ADD1: variants seen among roughly 807,000 people sequenced by gnomAD.
ADD1 encodes alpha-adducin.
ADD1 carries 24 observed loss-of-function variants against 80.5 expected under a neutral mutation model. The observed-to-expected ratio is 0.30, with a 90% confidence interval of 0.22 to 0.42. The LOEUF (loss-of-function observed/expected upper bound fraction) is 0.42. Among genes scored for constraint, ADD1 ranks in the 10% least tolerant of loss-of-function variants. The probability of loss-of-function intolerance (pLI) is 1.00; values close to 1 mark genes in which losing one functional copy is unlikely to be tolerated. For synonymous variants in ADD1, 373 were observed against 393.8 expected, an observed-to-expected ratio of 0.95 and a Z score of 0.63; for missense variants, 948 against 1,019.0, an observed-to-expected ratio of 0.93 and a Z score of 0.95.
chr4:2,919,227 G>C (rs1403233383), intron 14 of ADD1, among the ~76,000 whole-genome samples: 1 of 152,106 alleles, frequency 6.6e-6, no homozygotes, highest in African/African-American at 2.4e-5. Context: ...TGCTGGATTC[G>C]GTTTGCCAGT....
At chr4:2,870,894 A>T (rs964374416) in intron 1 of ADD1, among the ~76,000 whole-genome samples, 1 of 151,922 alleles carries the variant, frequency 6.6e-6, no homozygotes, top group Non-Finnish European at 1.5e-5. Flanking sequence ...CAAAGTAAGT[A>T]GTTTGTGAAT....
intron 10 of ADD1, among the ~76,000 whole-genome samples, chr4:2,905,908 A>G (rs1243278593): frequency 6.6e-6 from 1 of 152,054 alleles, no homozygotes; most frequent in Non-Finnish European, 1.5e-5. Flanking sequence ...CCTACCTCTA[A>G]CAGTCCACCC....
intron 4 of ADD1, among the ~76,000 whole-genome samples, chr4:2,886,274 C>G (rs1560191768): frequency 6.6e-6 from 1 of 152,170 alleles, no homozygotes; most frequent in Non-Finnish European, 1.5e-5. Context: ...TCGTTAAGCT[C>G]CATTCTGGAC....
chr4:2,857,776 G>A lies in ADD1; in HGVS notation c.-21+13752G>A, dbSNP rs184887478. Reference sequence around the variant, plus strand: ...CCCAGGGAGTGAGTGAGGTGTGTTGGTGTGTTTTCCATGATACAGGGGAAC... The same window carrying A: ...CCCAGGGAGTGAGTGAGGTGTGTTGATGTGTTTTCCATGATACAGGGGAAC... On this transcript the variant is annotated intron_variant, in intron 1 of 15. Transcript: ENST00000683351. 7.2e-5 allele frequency among the ~76,000 whole-genome samples: 11 copies of A among 152,276 alleles called. No homozygotes were observed. The South Asian group carries it at 1.7e-3, about 23-fold the overall frequency.
At chr4:2,863,871 T>C (rs16843500) in intron 1 of ADD1, among the ~76,000 whole-genome samples, 2,638 of 152,250 alleles carry the variant, frequency 0.017, 55 homozygotes, top group African/African-American at 0.045. Context: ...GCCTGGCTAC[T>C]ATACCCTGTT....
Position 2,865,857 on chromosome 4 carries a change from A to G in ADD1, c.-20-10039A>G, listed in dbSNP as rs1258824888. Among the ~76,000 whole-genome samples, 3 of 152,262 alleles carry G rather than the reference A, an allele frequency of 2.0e-5. No individual in the cohort carries two copies. In the East Asian group the frequency reaches 5.8e-4, roughly 29 times the overall value. ...ATTATATTAATTGAAGGACAGTAAC[A>G]GTATAATGAGGGAGCAAAAATAGAG... On this transcript the variant is annotated intron_variant, in intron 1 of 15. Transcript: ENST00000683351.
In ADD1 at chr4:2,908,546, C is replaced by T. The variant is rs752306959; in HGVS notation, c.1640C>T (p.Thr547Met). The T allele has an allele frequency of 6.8e-6, 11 of 1,614,228 alleles. No individual in the cohort carries two copies. Among genetic ancestry groups the T allele is most frequent in the South Asian group, 1.1e-5 (1 of 91,084 alleles). Residue 547 changes from threonine to methionine, a missense_variant, in exon 12 of 16, where the codon ACG becomes ATG. Transcript: ENST00000683351. Reference sequence around the variant, plus strand: ...GAGCAGAATTTACAGGACATTAAGACGGCTGGCCCTCAGTCCCAGGTTTTG... The same window carrying T: ...GAGCAGAATTTACAGGACATTAAGATGGCTGGCCCTCAGTCCCAGGTTTTG... ...IREQNLQDIK[T>M]AGPQSQVLCG... is the part of the protein sequence containing the mutation.
intron 1 of ADD1, among the ~76,000 whole-genome samples, chr4:2,870,874 A>G (rs755263678): frequency 2.6e-5 from 4 of 152,220 alleles, no homozygotes; most frequent in Non-Finnish European, 4.4e-5. Flanking sequence ...TGTGCCTCCT[A>G]AACAAAAAAC....
Position 2,899,436 on chromosome 4 carries a change from G to T in ADD1, c.1161+1G>T. 6.2e-7 allele frequency: 1 copy of T among 1,614,172 alleles called. No homozygotes were observed. Among genetic ancestry groups the T allele is most frequent in the Non-Finnish European group, 8.5e-7 (1 of 1,180,034 alleles). Reference sequence around the variant, plus strand: ...CCTCATGCGGATGCTCGATAATCTGGTAAGAATGGTGCCACCACTTGATGA... The same window carrying T: ...CCTCATGCGGATGCTCGATAATCTGTTAAGAATGGTGCCACCACTTGATGA... On this transcript the variant is annotated splice_donor_variant, in intron 9 of 15. Coordinates refer to ENST00000683351, the MANE Select transcript of ADD1 (RefSeq NM_001354761.2). LOFTEE classifies it high-confidence loss of function.
intron 15 of ADD1, among the ~76,000 whole-genome samples, chr4:2,927,921 G>C (rs561514789): frequency 6.6e-6 from 1 of 152,288 alleles, no homozygotes; most frequent in South Asian, 2.1e-4. Flanking sequence ...GCCTGGGACG[G>C]AGTCTGGTGT....
intron 4 of ADD1, among the ~76,000 whole-genome samples, chr4:2,886,266 G>A (rs1733348778): frequency 1.3e-5 from 2 of 152,096 alleles, no homozygotes; most frequent in Admixed American, 6.6e-5. Context: ...GCGGTGCTTC[G>A]TTAAGCTCCA....
intron 9 of ADD1, 149 bp from the exon 10 acceptor site, chr4:2,904,615 C>T (rs1251754549): frequency 1.5e-5 from 11 of 712,680 alleles, no homozygotes; most frequent in Non-Finnish European, 1.9e-5. Flanking sequence ...ACATTTGCTT[C>T]TGTGGGGTGT....
chr4:2,922,487 C>A (rs1043030681), intron 14 of ADD1, among the ~76,000 whole-genome samples: 1 of 152,210 alleles, frequency 6.6e-6, no homozygotes, highest in Non-Finnish European at 1.5e-5. Context: ...CAGCAAAGAT[C>A]GCTGCCTGTT....
At chr4:2,861,224 G>T (rs1479404182) in intron 1 of ADD1, among the ~76,000 whole-genome samples, 1 of 152,090 alleles carries the variant, frequency 6.6e-6, no homozygotes, top group Non-Finnish European at 1.5e-5. Context: ...GTGGGGGCTG[G>T]GGGCCAAAAT....
rs1711591294 is a variant in ADD1, at chr4:2,926,252, C to T, written c.2047+140C>T. ...AGCGCCAGGACGTGACACCTTTCTCCTCCTATATTGCTTCTGTCCTGGGTA... is the reference window on the plus strand; with the variant it reads ...AGCGCCAGGACGTGACACCTTTCTCTTCCTATATTGCTTCTGTCCTGGGTA... On this transcript the variant is annotated intron_variant, in intron 15 of 15. Coordinates refer to ENST00000683351, the MANE Select transcript of ADD1 (RefSeq NM_001354761.2). This position sits in a 1 kb window ranked among gnomAD's most constrained non-coding sequence, Gnocchi z 5.0. The T allele has an allele frequency of 1.3e-6, 1 of 787,042 alleles. No homozygotes were observed. Among genetic ancestry groups the T allele is most frequent in the South Asian group, 1.5e-5 (1 of 68,800 alleles). The allele number at this position is 787,042 out of a possible 1,614,324, so 48.8% of individuals were successfully genotyped here. A position where few individuals can be genotyped will look rare whatever the true frequency, so the allele number is the denominator to read the frequency against.
chr4:2,924,117 C>T (rs1018767256), intron 14 of ADD1, among the ~76,000 whole-genome samples: 4 of 152,346 alleles, frequency 2.6e-5, no homozygotes, highest in African/African-American at 9.6e-5. Flanking sequence ...GCTGGTGCAG[C>T]CTGTACTTCT....
At chr4:2,924,411 G>C (rs979794852) in intron 14 of ADD1, among the ~76,000 whole-genome samples, 1 of 152,192 alleles carries the variant, frequency 6.6e-6, no homozygotes, top group South Asian at 2.1e-4. Flanking sequence ...AGAAGAACCA[G>C]GGGCACAGGG....
At position 2,875,921 on chromosome 4, in the gene ADD1, T is replaced by A. The variant is rs1731206923; in HGVS notation, c.6T>A (p.Asn2Lys). ...GAACCTAGAAAGATTGTACAATGAA[T>A]GGTGATTCTCGTGCTGCGGTGGTGA... M[N>K]GDSRAAVVTS... Residue 2 changes from asparagine to lysine, a missense_variant, in exon 2 of 16, where the codon AAT (asparagine) becomes AAA (lysine). Physicochemically the swap from Asn to Lys is moderately conservative, Grantham distance 94 (BLOSUM62 0). Transcript: ENST00000683351. 6.3e-7 allele frequency: 1 copy of A among 1,591,310 alleles called. No homozygotes were observed. The highest frequency in any genetic ancestry group is 8.5e-7 in the Non-Finnish European group (1 of 1,172,160).
At chr4:2,921,625 C>T (rs1451514893) in intron 14 of ADD1, among the ~76,000 whole-genome samples, 2 of 152,002 alleles carry the variant, frequency 1.3e-5, no homozygotes, top group African/African-American at 2.4e-5. Context: ...TGGGGTTGCT[C>T]TTCTTGAGGA....
Sources: allele counts gnomAD v4.1 joint callset (sites outside exome capture counted in the v4.1 genomes callset), GRCh38; gene constraint gnomAD v4.1.1; non-coding constraint Gnocchi (gnomAD v3.1); transcripts MANE v1.5; gene names NCBI Gene and HGNC (gene_info 2026-07-23, HGNC 2026-07-21).